Variants in NEDD4L observed in about 807,000 individuals in gnomAD.
NEDD4L encodes E3 ubiquitin-protein ligase NEDD4-like.
A neutral mutation model predicts 148.9 loss-of-function variants in NEDD4L; 54 were observed. That is an observed-to-expected ratio of 0.36 (90% CI 0.29 to 0.45). The LOEUF is 0.45. Ranked by LOEUF, NEDD4L falls within the 20% of genes least tolerant of loss-of-function variation. The probability of loss-of-function intolerance (pLI) is 1.00; values close to 1 mark genes in which losing one functional copy is unlikely to be tolerated. For synonymous variants in NEDD4L, 433 were observed against 440.7 expected (o/e 0.98, Z 0.22); for missense variants, 856 against 1,233.8 (o/e 0.69, Z 4.59).
chr18:58,148,364 C>T (rs186383720), intron 1 of NEDD4L, among the ~76,000 whole-genome samples: 1 of 152,120 alleles, frequency 6.6e-6, no homozygotes, highest in Non-Finnish European at 1.5e-5. Flanking sequence ...TGGGGTTTCA[C>T]CATGTTGGTC....
chr18:58,380,994 G>A (rs753119822), intron 24 of NEDD4L, among the ~76,000 whole-genome samples: 1 of 152,016 alleles, frequency 6.6e-6, no homozygotes, highest in Non-Finnish European at 1.5e-5. Context: ...AGACGTTTAG[G>A]CTATTTTAGT....
chr18:58,177,219 T>G (rs1338816063), intron 2 of NEDD4L, among the ~76,000 whole-genome samples: 2 of 152,184 alleles, frequency 1.3e-5, no homozygotes, highest in Non-Finnish European at 2.9e-5. Context: ...TTTGTCTTAG[T>G]GCATTCTGTT....
intron 1 of NEDD4L, among the ~76,000 whole-genome samples, chr18:58,113,880 G>A (rs534131580): frequency 1.3e-5 from 2 of 152,156 alleles, no homozygotes; most frequent in East Asian, 3.9e-4. Context: ...CTGAGACTGG[G>A]ACCTCATGGG....
chr18:58,256,759 G>T lies in NEDD4L; in HGVS notation c.297+4705G>T. The stretch of plus-strand genomic sequence containing the variant: ...AAAGCGCCAAAAGCCCTGTTTCCAC[G>T]GGAGCTGACACCACGGTAAGTTCAC... On this transcript the variant is annotated intron_variant, in intron 5 of 30. Coordinates refer to ENST00000400345, the MANE Select transcript of NEDD4L (RefSeq NM_001144967.3). This position sits in a 1 kb window ranked among gnomAD's most constrained non-coding sequence, Gnocchi z 5.2. The T allele has an allele frequency of 8.1e-7, 1 of 1,231,970 alleles. No individual in the cohort carries two copies. Among genetic ancestry groups the T allele is most frequent in the Non-Finnish European group, 1.0e-6 (1 of 987,978 alleles). 76.3% of individuals were successfully genotyped at this position (1,231,970 alleles called of 1,614,324 possible).
intron 5 of NEDD4L, among the ~76,000 whole-genome samples, chr18:58,291,412 T>C (rs776362227): frequency 7.9e-5 from 12 of 152,136 alleles, no homozygotes; most frequent in Non-Finnish European, 1.3e-4. Flanking sequence ...GAAGTGAAAA[T>C]TGGTAAGCAA....
chr18:58,068,633 T>C (rs1047397874), intron 1 of NEDD4L, among the ~76,000 whole-genome samples: 4 of 152,176 alleles, frequency 2.6e-5, no homozygotes, highest in African/African-American at 4.8e-5. Flanking sequence ...AAGAATATGA[T>C]TTTGTACCAC....
At chr18:58,333,419 C>T (rs1016558386) in intron 11 of NEDD4L, among the ~76,000 whole-genome samples, 6 of 152,272 alleles carry the variant, frequency 3.9e-5, no homozygotes, top group African/African-American at 1.4e-4. Context: ...TGGGTAGCCA[C>T]ATATCACTAT....
chr18:58,358,389 C>T (rs1246996331), intron 19 of NEDD4L, among the ~76,000 whole-genome samples: 1 of 152,194 alleles, frequency 6.6e-6, no homozygotes, highest in Non-Finnish European at 1.5e-5. Context: ...TATATATTCG[C>T]AGTCACAGTT....
At chr18:58,149,126 C>G (rs2034408396) in intron 1 of NEDD4L, among the ~76,000 whole-genome samples, 1 of 152,168 alleles carries the variant, frequency 6.6e-6, no homozygotes, top group Admixed American at 6.5e-5. Context: ...TACAAGGGTT[C>G]CTTTAAAACA....
chr18:58,255,654 T>C lies in NEDD4L; in HGVS notation c.297+3600T>C, dbSNP rs1291021937. Reference sequence around the variant, plus strand: ...CCCCTGGTCACCATGGCCCATCGGCTTCGGTTTCATTTTGGCTCTGGTCGC... The same window carrying C: ...CCCCTGGTCACCATGGCCCATCGGCCTCGGTTTCATTTTGGCTCTGGTCGC... On this transcript the variant is annotated intron_variant, in intron 5 of 30. Coordinates refer to ENST00000400345, the MANE Select transcript of NEDD4L (RefSeq NM_001144967.3). The C allele has an allele frequency of 4.9e-6, 6 of 1,232,266 alleles. No individual in the cohort carries two copies. The African/African-American group carries it at 7.8e-5, about 16-fold the overall frequency. The allele number at this position is 1,232,266 out of a possible 1,614,324, so 76.3% of individuals were successfully genotyped here.
chr18:58,220,193 T>C (rs1383561322), intron 2 of NEDD4L, among the ~76,000 whole-genome samples: 1 of 152,142 alleles, frequency 6.6e-6, no homozygotes, highest in Non-Finnish European at 1.5e-5. Flanking sequence ...GATGGGTGGA[T>C]CACTTGAGGC....
intron 2 of NEDD4L, among the ~76,000 whole-genome samples, chr18:58,186,037 A>G (rs1042320070): frequency 2.0e-5 from 3 of 152,118 alleles, no homozygotes; most frequent in African/African-American, 7.2e-5. Flanking sequence ...ACAGAGAAGG[A>G]TACGTATGCA....
intron 5 of NEDD4L, among the ~76,000 whole-genome samples, chr18:58,280,455 A>G (rs1475096616): frequency 6.6e-6 from 1 of 152,194 alleles, no homozygotes; most frequent in African/African-American, 2.4e-5. Flanking sequence ...ATAAAAAGAA[A>G]GGAAAGCCAA....
chr18:58,294,838 T>C (rs938142201), intron 5 of NEDD4L, among the ~76,000 whole-genome samples: 1 of 152,244 alleles, frequency 6.6e-6, no homozygotes, highest in African/African-American at 2.4e-5. Context: ...TTTCTGTTTT[T>C]AACTAATGGT....
chr18:58,321,295 A>T (rs1309516614), intron 6 of NEDD4L, among the ~76,000 whole-genome samples: 1 of 152,242 alleles, frequency 6.6e-6, no homozygotes, highest in African/African-American at 2.4e-5. Context: ...GAGACCTGGG[A>T]TCTCACACTT....
chr18:58,217,417 G>C (rs1326310494), intron 2 of NEDD4L, among the ~76,000 whole-genome samples: 1 of 152,128 alleles, frequency 6.6e-6, no homozygotes, highest in Admixed American at 6.5e-5. Flanking sequence ...CTTCTCATTT[G>C]GTTACTCACT....
chr18:58,396,464 C>A lies in NEDD4L; in HGVS notation c.*195C>A. On this transcript the variant is annotated 3_prime_UTR_variant, in exon 31 of 31. Transcript: ENST00000400345. ...CAGCTTGAGTTCCTGCCTTTCCCAC[C>A]ACAAATTATCAACTGGTTGATGTGT... The A allele has an allele frequency of 3.9e-6, 2 of 507,606 alleles. No individual in the cohort carries two copies. Among genetic ancestry groups the A allele is most frequent in the Non-Finnish European group, 7.2e-6 (2 of 279,436 alleles). The allele number at this position is 507,606 out of a possible 1,614,324, so 31.4% of individuals were successfully genotyped here.
intron 1 of NEDD4L, among the ~76,000 whole-genome samples, chr18:58,105,455 C>T (rs534785406): frequency 6.6e-6 from 1 of 152,130 alleles, no homozygotes; most frequent in Non-Finnish European, 1.5e-5. Flanking sequence ...CTGGCAGTGC[C>T]TAGCAACGGC....
At chr18:58,120,323 G>T (rs1026337569) in intron 1 of NEDD4L, among the ~76,000 whole-genome samples, 9 of 152,154 alleles carry the variant, frequency 5.9e-5, no homozygotes, top group African/African-American at 1.4e-4. Context: ...TTGAGTCCTG[G>T]TTCTGCTATT....
Sources: allele counts gnomAD v4.1 joint callset (sites outside exome capture counted in the v4.1 genomes callset), GRCh38; gene constraint gnomAD v4.1.1; non-coding constraint Gnocchi (gnomAD v3.1); transcripts MANE v1.5; gene names NCBI Gene and HGNC (gene_info 2026-07-23, HGNC 2026-07-21).